Variants in ZNF536 observed in about 807,000 individuals in gnomAD.
ZNF536 encodes zinc finger protein 536.
ZNF536 carries 13 observed loss-of-function variants against 84.5 expected under a neutral mutation model. The ratio of observed to expected loss-of-function variants is 0.15; its 90% CI spans 0.10 to 0.24. The LOEUF (loss-of-function observed/expected upper bound fraction) is 0.24, where lower values mean the gene tolerates loss of function less well. Among genes scored for constraint, ZNF536 ranks in the 10% least tolerant of loss-of-function variants. ZNF536 has a pLI of 1.00. For synonymous variants in ZNF536, 811 were observed against 742.5 expected (o/e 1.09, Z -1.50); for missense variants, 1,536 against 1,747.5 (o/e 0.88, Z 2.16).
intron 2 of ZNF536, among the ~76,000 whole-genome samples, chr19:30,512,820 A>G (rs1310442868): frequency 1.3e-5 from 2 of 152,226 alleles, no homozygotes; most frequent in African/African-American, 4.8e-5. Flanking sequence ...ACTTTCTAGC[A>G]ATCTATAGAA....
chr19:30,563,200 C>G (rs2046233189), intron 1 of ZNF536, among the ~76,000 whole-genome samples: 1 of 152,140 alleles, frequency 6.6e-6, no homozygotes, highest in Admixed American at 6.5e-5. Context: ...CATGGTGCCC[C>G]ACCCTCATCC....
At chr19:30,387,761 C>T (rs1324815890) in intron 1 of ZNF536, among the ~76,000 whole-genome samples, 1 of 152,220 alleles carries the variant, frequency 6.6e-6, no homozygotes, top group Admixed American at 6.5e-5. Flanking sequence ...GGGCCCTCTC[C>T]ACTCCATCGC....
intron 1 of ZNF536, among the ~76,000 whole-genome samples, chr19:30,578,212 C>T (rs1034671834): frequency 2.0e-5 from 3 of 152,064 alleles, no homozygotes; most frequent in African/African-American, 4.8e-5. Context: ...AAAGTCAGCC[C>T]GGCAATTTCA....
intron 1 of ZNF536, among the ~76,000 whole-genome samples, chr19:30,245,423 G>C (rs2024201258): frequency 1.3e-5 from 2 of 152,210 alleles, no homozygotes; most frequent in East Asian, 3.8e-4. Flanking sequence ...CCAGCACCCA[G>C]AGCAGCGACT....
chr19:30,356,211 T>C (rs1244020781), intron 3 of ZNF536, among the ~76,000 whole-genome samples: 1 of 152,212 alleles, frequency 6.6e-6, no homozygotes, highest in Non-Finnish European at 1.5e-5. Context: ...CTTTATCCTT[T>C]AGAAAGACCT....
At chr19:30,327,563 C>T (rs1411697668) in intron 2 of ZNF536, among the ~76,000 whole-genome samples, 1 of 152,212 alleles carries the variant, frequency 6.6e-6, no homozygotes, top group Non-Finnish European at 1.5e-5. Flanking sequence ...ATGACATTTG[C>T]ATGCCGTAAT....
chr19:30,252,947 T>C (rs2024699292), intron 1 of ZNF536, among the ~76,000 whole-genome samples: 1 of 152,208 alleles, frequency 6.6e-6, no homozygotes, highest in South Asian at 2.1e-4. Flanking sequence ...TTTGTAGGGC[T>C]TTAAAGAAGG....
chr19:30,523,390 T>G (rs1820407511), intron 2 of ZNF536, among the ~76,000 whole-genome samples: 1 of 152,172 alleles, frequency 6.6e-6, no homozygotes, highest in Admixed American at 6.5e-5. Flanking sequence ...CTATTCCCGT[T>G]TTGCAGATAA....
At chr19:30,236,532 G>C (rs565238795) in intron 1 of ZNF536, among the ~76,000 whole-genome samples, 27 of 149,290 alleles carry the variant, frequency 1.8e-4, no homozygotes, top group Non-Finnish European at 3.3e-4. Context: ...GTTGGGGCGG[G>C]GGGGGGGTAC....
At chr19:30,468,098 G>T (rs565494737) in intron 2 of ZNF536, among the ~76,000 whole-genome samples, 3 of 152,238 alleles carry the variant, frequency 2.0e-5, no homozygotes, top group African/African-American at 7.2e-5. Context: ...GATACGCTGC[G>T]TGGTTTCTGT....
At chr19:30,226,409 TC>T (rs1243709839), upstream of ZNF536, among the ~76,000 whole-genome samples, 1 of 151,840 alleles carries the variant, frequency 6.6e-6, no homozygotes, top group Non-Finnish European at 1.5e-5. This position sits in a 1 kb window ranked among gnomAD's most constrained non-coding sequence, Gnocchi z 4.6. Flanking sequence ...TTTTTTTTTT[TC>T]AATTAAAGTT....
In ZNF536 at chr19:30,460,012, C is replaced by T. The variant is rs574346522; in HGVS notation, c.2170+14280C>T. Among the ~76,000 whole-genome samples the T allele has an allele frequency of 2.9e-3, 436 of 152,302 alleles. 4 individuals are homozygous for T. Among genetic ancestry groups the T allele is most frequent in the African/African-American group, 0.01 (417 of 41,556 alleles). The stretch of plus-strand genomic sequence containing the variant: ...ACTGAGGTGGAGTTAGCAGCTCAAA[C>T]GGCAACCCCATGGACTTACCTCATA... On this transcript the variant is annotated intron_variant, in intron 2 of 4. Transcript: ENST00000355537.
chr19:30,367,026 G>A (rs988899606), intron 3 of ZNF536, among the ~76,000 whole-genome samples: 19 of 152,248 alleles, frequency 1.2e-4, no homozygotes, highest in Non-Finnish European at 2.4e-4. Context: ...GCCTGGATGA[G>A]TTTGAGGAGC....
At chr19:30,657,521 C>T (rs779908472) in intron 1 of ZNF536, among the ~76,000 whole-genome samples, 1 of 152,178 alleles carries the variant, frequency 6.6e-6, no homozygotes, top group African/African-American at 2.4e-5. Context: ...TTCCTACTGA[C>T]CCTCTCTCCC....
At chr19:30,313,182 G>A (rs939176934) in intron 2 of ZNF536, among the ~76,000 whole-genome samples, 1 of 152,216 alleles carries the variant, frequency 6.6e-6, no homozygotes, top group Non-Finnish European at 1.5e-5. Context: ...TCTGCAGCCC[G>A]AGGCTTGGAC....
chr19:30,592,187 G>C (rs1460986362), intron 1 of ZNF536, among the ~76,000 whole-genome samples: 1 of 152,134 alleles, frequency 6.6e-6, no homozygotes, highest in Non-Finnish European at 1.5e-5. Context: ...TCAAATTCTT[G>C]CAAAGCAAAA....
intron 1 of ZNF536, among the ~76,000 whole-genome samples, chr19:30,384,649 G>C (rs2049264982): frequency 6.6e-6 from 1 of 152,018 alleles, no homozygotes; most frequent in African/African-American, 2.4e-5. Context: ...TGGAGCATGA[G>C]GGTCAAAGGT....
intron 3 of ZNF536, among the ~76,000 whole-genome samples, chr19:30,543,511 A>G (rs1335991404): frequency 1.3e-5 from 2 of 152,166 alleles, no homozygotes; most frequent in Non-Finnish European, 2.9e-5. Flanking sequence ...AGGCAGGCCC[A>G]ATGCCTGGCT....
chr19:30,704,647 C>CAAAAAAA (rs970475752), intron 1 of ZNF536, among the ~76,000 whole-genome samples: 2 of 53,452 alleles, frequency 3.7e-5, no homozygotes, highest in African/African-American at 7.5e-5. Context: ...GAGTCCATCT[C>CAAAAAAA]AAAAAAAAAA....
Sources: gnomAD v4.1 joint callset for allele counts (sites outside exome capture counted in the v4.1 genomes callset) on GRCh38, gnomAD v4.1.1 for gene constraint, Gnocchi (gnomAD v3.1) non-coding constraint, MANE v1.5 for transcripts, NCBI Gene and HGNC (gene_info 2026-07-23, HGNC 2026-07-21) for gene names.